The following OTOGL variants were observed in gnomAD, a reference collection of about 807,000 sequenced individuals.
OTOGL encodes otogelin-like protein.
A neutral mutation model predicts 318.5 loss-of-function variants in OTOGL; 285 were observed. That is an observed-to-expected ratio of 0.89 (90% CI 0.81 to 0.99). The LOEUF (loss-of-function observed/expected upper bound fraction) is 0.99, where lower values mean the gene tolerates loss of function less well. Among genes scored for constraint, OTOGL ranks in the 50% least tolerant of loss-of-function variants. The probability of loss-of-function intolerance (pLI) is 0.00; values close to 1 mark genes in which losing one functional copy is unlikely to be tolerated. For missense variants in OTOGL, 2,899 were observed against 2,845.6 expected, an observed-to-expected ratio of 1.02 and a Z score of -0.43; for synonymous variants, 987 against 936.5, an observed-to-expected ratio of 1.05 and a Z score of -0.99.
At chr12:80,125,741 T>A (rs1186217003) in intron 1 of OTOGL, among the ~76,000 whole-genome samples, 1 of 152,332 alleles carries the variant, frequency 6.6e-6, no homozygotes, top group East Asian at 1.9e-4. Context: ...ATTCAGAGAT[T>A]CAACTTCTTC....
chr12:80,129,456 G>A (rs1027777239), intron 1 of OTOGL, among the ~76,000 whole-genome samples: 2 of 152,126 alleles, frequency 1.3e-5, no homozygotes, highest in African/African-American at 4.8e-5. Flanking sequence ...TTAACAGAAG[G>A]AAATTGTCCC....
rs1555268602 is a variant in OTOGL, at chr12:80,108,823, A to ATGTGTATATAT, written c.-20+9221_-20+9222insGTATATATTGT. Among the ~76,000 whole-genome samples the ATGTGTATATAT allele has an allele frequency of 2.8e-3, 369 of 134,122 alleles. 5 individuals carry two copies. Among genetic ancestry groups the ATGTGTATATAT allele is most frequent in the Middle Eastern group, 0.027 (7 of 256 alleles). The allele number at this position is 134,122 out of a possible 152,430, so 88.0% of individuals were successfully genotyped here. A position where few individuals can be genotyped will look rare whatever the true frequency, so the allele number is the denominator to read the frequency against. ...TATGTATATATATATGTGTATATAT[A>ATGTGTATATAT]TGTATATATATTGTATATATATGTG... On this transcript the variant is annotated intron_variant, in intron 1 of 58. Transcript: ENST00000547103.
intron 7 of OTOGL, among the ~76,000 whole-genome samples, chr12:80,226,772 C>G (rs1265026248): frequency 6.6e-6 from 1 of 152,114 alleles, no homozygotes; most frequent in African/African-American, 2.4e-5. Flanking sequence ...GGTGATTAAG[C>G]AAGAACCCAT....
chr12:80,190,336 G>C (rs1042793335), intron 1 of OTOGL, among the ~76,000 whole-genome samples: 4 of 152,132 alleles, frequency 2.6e-5, no homozygotes, highest in Admixed American at 1.3e-4. Context: ...TAAATTCAAA[G>C]AAGCACAACA....
intron 1 of OTOGL, among the ~76,000 whole-genome samples, chr12:80,198,174 G>A (rs1876212383): frequency 6.6e-6 from 1 of 152,130 alleles, no homozygotes; most frequent in African/African-American, 2.4e-5. Context: ...TCACCCCCTG[G>A]AGTAGAAGCT....
At chr12:80,234,092 T>G (rs560863593) in intron 9 of OTOGL, among the ~76,000 whole-genome samples, 2 of 152,256 alleles carry the variant, frequency 1.3e-5, no homozygotes, top group East Asian at 3.9e-4. Context: ...GTCTTGCTAT[T>G]TCTTTTCATT....
At chr12:80,284,677 C>G (rs1266896846) in intron 26 of OTOGL, among the ~76,000 whole-genome samples, 1 of 152,090 alleles carries the variant, frequency 6.6e-6, no homozygotes, top group African/African-American at 2.4e-5. Flanking sequence ...TAAATGTCTT[C>G]TTTTGAGAAG....
chr12:80,114,489 T>G (rs1256767616), intron 1 of OTOGL, among the ~76,000 whole-genome samples: 1 of 152,228 alleles, frequency 6.6e-6, no homozygotes, highest in Non-Finnish European at 1.5e-5. Context: ...TCTGCATTAG[T>G]CTGATGGGCT....
At chr12:80,153,853 T>A (rs1304163827) in intron 1 of OTOGL, among the ~76,000 whole-genome samples, 2 of 152,208 alleles carry the variant, frequency 1.3e-5, no homozygotes, top group Non-Finnish European at 2.9e-5. Context: ...TAATATGCAT[T>A]TAAATTTCCT....
chr12:80,308,774 G>C (rs1886418359), intron 29 of OTOGL, among the ~76,000 whole-genome samples: 1 of 152,324 alleles, frequency 6.6e-6, no homozygotes, highest in Non-Finnish European at 1.5e-5. Context: ...AGACCAGCCC[G>C]GCCAACACAG....
In OTOGL at chr12:80,201,397, C is replaced by T. The variant is rs567588386; in HGVS notation, c.-19-8016C>T. Among the ~76,000 whole-genome samples, 37 of 152,026 alleles carry T rather than the reference C, an allele frequency of 2.4e-4. 1 individual carries two copies. The highest frequency in any genetic ancestry group is 8.3e-4 in the South Asian group (4 of 4,812). On this transcript the variant is annotated intron_variant, in intron 1 of 58. Coordinates refer to ENST00000547103, the MANE Select transcript of OTOGL (RefSeq NM_001378609.3). ...TAGGGGGAGCAGGACTGTCACATAG[C>T]GAGAGAGGGAGCAAGAGAGCGAGGT...
intron 18 of OTOGL, among the ~76,000 whole-genome samples, chr12:80,261,763 A>G (rs1455567848): frequency 1.3e-5 from 2 of 152,198 alleles, no homozygotes; most frequent in African/African-American, 4.8e-5. Flanking sequence ...AAATAAAATC[A>G]TGTATGTCTA....
chr12:80,342,262 A>G (rs190401548), intron 44 of OTOGL, 100 bp downstream of exon 44: 871 of 890,366 alleles, frequency 9.8e-4, no homozygotes, highest in Non-Finnish European at 1.4e-3. Flanking sequence ...TCTACTGAGA[A>G]CAAAACCCCC....
chr12:80,143,780 A>G (rs1343521586), intron 1 of OTOGL, among the ~76,000 whole-genome samples: 1 of 152,198 alleles, frequency 6.6e-6, no homozygotes, highest in Non-Finnish European at 1.5e-5. Context: ...CAGAACATGG[A>G]CAGTAAATAA....
In OTOGL at chr12:80,355,781, G is replaced by T; in HGVS notation, c.5639G>T (p.Trp1880Leu). The change falls in exon 47 of 59, where the codon TGG (tryptophan) becomes TTG (leucine). Residue 1880 changes from tryptophan (W) to leucine (L), a missense_variant. Physicochemically the swap from Trp to Leu is moderately conservative, Grantham distance 61 (BLOSUM62 -2). Transcript: ENST00000547103. ...EDQPRTAGEI[W>L]NGGIDECTLY... ...CAACCCCGCACTGCTGGGGAGATTTGGAATGGGGGCATTGATGAATGCACT... is the reference window on the plus strand; with the variant it reads ...CAACCCCGCACTGCTGGGGAGATTTTGAATGGGGGCATTGATGAATGCACT... The T allele has an allele frequency of 6.2e-7, 1 of 1,613,782 alleles. No individual in the cohort carries two copies. The highest frequency in any genetic ancestry group is 8.5e-7 in the Non-Finnish European group (1 of 1,179,782).
At chr12:80,145,996 T>C (rs1872327700) in intron 1 of OTOGL, among the ~76,000 whole-genome samples, 1 of 150,870 alleles carries the variant, frequency 6.6e-6, no homozygotes, top group African/African-American at 2.5e-5. Flanking sequence ...AATCATGTCA[T>C]CTGTAAGCAG....
intron 4 of OTOGL, among the ~76,000 whole-genome samples, chr12:80,215,043 T>C (rs1434865748): frequency 1.3e-5 from 2 of 152,112 alleles, no homozygotes; most frequent in Non-Finnish European, 2.9e-5. Flanking sequence ...ATAAAGGAGA[T>C]GTGGATTGAG....
chr12:80,187,360 G>A (rs184630843), intron 1 of OTOGL, among the ~76,000 whole-genome samples: 63 of 152,124 alleles, frequency 4.1e-4, no homozygotes, highest in Non-Finnish European at 7.8e-4. Flanking sequence ...ACCCTGCTGG[G>A]GCCAATCTGT....
chr12:80,173,817 G>A (rs187097461), intron 1 of OTOGL, among the ~76,000 whole-genome samples: 21 of 152,244 alleles, frequency 1.4e-4, no homozygotes, highest in Admixed American at 7.9e-4. Flanking sequence ...ATTTCTTCAC[G>A]CTGAATAGGG....
Sources: gnomAD v4.1 joint callset for allele counts (sites outside exome capture counted in the v4.1 genomes callset) on GRCh38, gnomAD v4.1.1 for gene constraint, MANE v1.5 for transcripts, NCBI Gene and HGNC (gene_info 2026-07-23, HGNC 2026-07-21) for gene names.